The following CTIF variants were observed in gnomAD, a reference collection of about 807,000 sequenced individuals.
CTIF encodes the protein CBP80/20-dependent translation initiation factor.
CTIF carries 21 observed loss-of-function variants against 66.0 expected under a neutral mutation model. That is an observed-to-expected ratio of 0.32 (90% CI 0.23 to 0.46). The LOEUF (loss-of-function observed/expected upper bound fraction) is 0.46. Ranked by LOEUF, CTIF falls within the 20% of genes least tolerant of loss-of-function variation. CTIF has a pLI of 1.00. For synonymous variants in CTIF, 345 were observed against 326.4 expected (o/e 1.06, Z -0.62); for missense variants, 739 against 812.7 (o/e 0.91, Z 1.10).
At position 48,619,545 on chromosome 18, in the gene CTIF, C is replaced by G; in HGVS notation, c.-21C>G. On this transcript the variant is annotated 5_prime_UTR_variant, in exon 2 of 12. Coordinates refer to ENST00000256413, the MANE Select transcript of CTIF (RefSeq NM_014772.3). ...TGTCCTCTTTCCCACCAGTCCCGGC[C>G]CAGGCCCCTGAGCTGGAGGGATGGA... 6.7e-7 allele frequency: 1 copy of G among 1,487,838 alleles called. No individual in the cohort carries two copies. The highest frequency in any genetic ancestry group is 8.9e-7 in the Non-Finnish European group (1 of 1,117,670). 92.2% of individuals were successfully genotyped at this position (1,487,838 alleles called of 1,614,324 possible). A position where few individuals can be genotyped will look rare whatever the true frequency, so the allele number is the denominator to read the frequency against.
intron 1 of CTIF, among the ~76,000 whole-genome samples, chr18:48,604,892 A>G (rs1169969342): frequency 6.6e-6 from 1 of 152,136 alleles, no homozygotes; most frequent in Non-Finnish European, 1.5e-5. Context: ...ATCTTCTGTG[A>G]CTGGCTTCTT....
chr18:48,622,226 G>A (rs561425826), intron 2 of CTIF, among the ~76,000 whole-genome samples: 1 of 152,242 alleles, frequency 6.6e-6, no homozygotes, highest in South Asian at 2.1e-4. Context: ...GTGGATTGGA[G>A]GCCACCCAAA....
At chr18:48,557,185 T>C (rs1350702649) in intron 1 of CTIF, among the ~76,000 whole-genome samples, 1 of 151,988 alleles carries the variant, frequency 6.6e-6, no homozygotes, top group Non-Finnish European at 1.5e-5. Flanking sequence ...GGGGAAGAGA[T>C]AGAGAACTGC....
chr18:48,794,368 G>A (rs138943124), intron 9 of CTIF, among the ~76,000 whole-genome samples: 97 of 152,304 alleles, frequency 6.4e-4, no homozygotes, highest in African/African-American at 2.3e-3. Flanking sequence ...GACAGGGTCG[G>A]GGAAAGCCAG....
chr18:48,816,736 C>T (rs1459014581), intron 9 of CTIF, among the ~76,000 whole-genome samples: 6 of 152,220 alleles, frequency 3.9e-5, no homozygotes, highest in South Asian at 2.1e-4. Flanking sequence ...AGTGCTGGGG[C>T]GCTAGCCCAC....
intron 7 of CTIF, among the ~76,000 whole-genome samples, chr18:48,753,932 A>G (rs1908084273): frequency 6.6e-6 from 1 of 152,314 alleles, no homozygotes; most frequent in East Asian, 1.9e-4. Context: ...CCCTGAATGA[A>G]GGTATCGACG....
At chr18:48,741,959 C>T (rs2092558757) in intron 7 of CTIF, among the ~76,000 whole-genome samples, 1 of 152,180 alleles carries the variant, frequency 6.6e-6, no homozygotes, top group Non-Finnish European at 1.5e-5. Context: ...AACCACTTAC[C>T]AGGGCTCCTG....
At chr18:48,630,088 A>G (rs541214656) in intron 2 of CTIF, among the ~76,000 whole-genome samples, 1 of 152,344 alleles carries the variant, frequency 6.6e-6, no homozygotes, top group East Asian at 1.9e-4. Context: ...TCCAAGCAGT[A>G]TGATGAAATC....
intron 1 of CTIF, among the ~76,000 whole-genome samples, chr18:48,561,747 C>T (rs1247853659): frequency 6.6e-6 from 1 of 152,182 alleles, no homozygotes; most frequent in Non-Finnish European, 1.5e-5. Flanking sequence ...CTTCCTGGGG[C>T]ACTTGATTTT....
Position 48,586,032 on chromosome 18 carries a change from G to A in CTIF, c.-28-33506G>A, listed in dbSNP as rs1001790325. 1.4e-4 allele frequency among the ~76,000 whole-genome samples: 22 copies of A among 152,240 alleles called. No homozygotes were observed. In the East Asian group the frequency reaches 3.5e-3, roughly 24 times the overall value. ...TGCTGATTCCAAGAGCTAAATATGC[G>A]ATGAGGATGCCTGTCGCAGGGGTGG... On this transcript the variant is annotated intron_variant, in intron 1 of 11. Transcript: ENST00000256413.
chr18:48,588,839 G>C (rs1044470632), intron 1 of CTIF, among the ~76,000 whole-genome samples: 2 of 152,210 alleles, frequency 1.3e-5, no homozygotes, highest in Non-Finnish European at 2.9e-5. Context: ...TTGCGCAGCT[G>C]AACTGGACTT....
intron 3 of CTIF, among the ~76,000 whole-genome samples, chr18:48,650,017 G>C (rs2091126091): frequency 6.6e-6 from 1 of 152,230 alleles, no homozygotes; most frequent in African/African-American, 2.4e-5. Flanking sequence ...CACAAAGATA[G>C]GGAGAAACCA....
At chr18:48,744,645 CTT>C (rs1378852993) in intron 7 of CTIF, among the ~76,000 whole-genome samples, 1 of 152,068 alleles carries the variant, frequency 6.6e-6, no homozygotes, top group African/African-American at 2.4e-5. Context: ...AAAACAAAGA[CTT>C]TTTTTCATAA....
intron 7 of CTIF, among the ~76,000 whole-genome samples, chr18:48,753,942 G>A (rs1908085884): frequency 6.6e-6 from 1 of 152,180 alleles, no homozygotes; most frequent in Non-Finnish European, 1.5e-5. Context: ...AGGTATCGAC[G>A]AAACCCAGCG....
At chr18:48,663,276 C>A (rs2091377451) in intron 3 of CTIF, among the ~76,000 whole-genome samples, 1 of 152,288 alleles carries the variant, frequency 6.6e-6, no homozygotes, top group South Asian at 2.1e-4. Flanking sequence ...ACTGGAGGAT[C>A]GGCTCGACTC....
chr18:48,565,821 A>T (rs1158739804), intron 1 of CTIF: 1 of 152,172 alleles, frequency 6.6e-6, no homozygotes, highest in Non-Finnish European at 1.5e-5. Flanking sequence ...CATGCAGATA[A>T]ATCCATGCCC....
At chr18:48,672,552 C>T (rs2091553277) in intron 6 of CTIF, among the ~76,000 whole-genome samples, 1 of 152,174 alleles carries the variant, frequency 6.6e-6, no homozygotes, top group Non-Finnish European at 1.5e-5. Context: ...CTCCAGCCCT[C>T]CTATGGGAGT....
At chr18:48,696,824 T>C (rs1435833953) in intron 6 of CTIF, among the ~76,000 whole-genome samples, 1 of 152,114 alleles carries the variant, frequency 6.6e-6, no homozygotes, top group Non-Finnish European at 1.5e-5. Flanking sequence ...GAGACACTTG[T>C]TACACACAGG....
chr18:48,848,994 G>C (rs1349270344), intron 10 of CTIF, among the ~76,000 whole-genome samples: 1 of 152,190 alleles, frequency 6.6e-6, no homozygotes, highest in South Asian at 2.1e-4. Context: ...CGGGAGGCTT[G>C]CCTGCCCCAG....
Sources: allele counts gnomAD v4.1 joint callset (sites outside exome capture counted in the v4.1 genomes callset), GRCh38; gene constraint gnomAD v4.1.1; transcripts MANE v1.5; gene names NCBI Gene and HGNC (gene_info 2026-07-23, HGNC 2026-07-21).